SAMD4A: variants seen among roughly 807,000 people sequenced by gnomAD.
SAMD4A encodes the protein sterile alpha motif domain containing 4A.
Under a neutral mutation model 81.3 loss-of-function variants are expected in SAMD4A, and 33 were observed. That is an observed-to-expected ratio of 0.41 (90% CI 0.31 to 0.54). The LOEUF (loss-of-function observed/expected upper bound fraction) is 0.54, where lower values mean the gene tolerates loss of function less well. SAMD4A is among the 20% of genes least tolerant of loss of function. The probability of loss-of-function intolerance (pLI) is 0.37; values close to 1 mark genes in which losing one functional copy is unlikely to be tolerated. For synonymous variants in SAMD4A, 389 were observed against 382.1 expected (o/e 1.02, Z -0.21); for missense variants, 854 against 951.1 (o/e 0.90, Z 1.34).
intron 3 of SAMD4A, among the ~76,000 whole-genome samples, chr14:54,733,348 C>T (rs937939193): frequency 1.1e-4 from 12 of 110,100 alleles, no homozygotes; most frequent in Admixed American, 3.4e-4. Flanking sequence ...TGTGTATATA[C>T]GGATCTAAAA....
rs375379472 is a variant in SAMD4A, at chr14:54,720,598, T to A, written c.716-16426T>A. ...AGGGATATAAGCCTTACTGCGAGGG[T>A]CCTAGGGCCTGTTAGGAGTAAGGTG... On this transcript the variant is annotated intron_variant, in intron 3 of 12. Transcript: ENST00000554335. 3.9e-5 allele frequency among the ~76,000 whole-genome samples: 6 copies of A among 152,178 alleles called. No individual in the cohort carries two copies. The East Asian group carries it at 7.7e-4, about 20-fold the overall frequency.
chr14:54,775,771 G>A (rs940382161), intron 10 of SAMD4A, among the ~76,000 whole-genome samples: 2 of 152,060 alleles, frequency 1.3e-5, no homozygotes, highest in South Asian at 2.1e-4. Context: ...TGAGGTTCTG[G>A]GGTCTCAGGA....
intron 2 of SAMD4A, among the ~76,000 whole-genome samples, chr14:54,630,949 TGTGTGTGA>T: frequency 7.0e-6 from 1 of 142,488 alleles, no homozygotes; most frequent in African/African-American, 2.7e-5. Context: ...TGTGTGTGTG[TGTGTGTGA>T]TGAGAAATCG....
At chr14:54,756,449 T>C (rs1480196694) in intron 6 of SAMD4A, among the ~76,000 whole-genome samples, 1 of 152,200 alleles carries the variant, frequency 6.6e-6, no homozygotes, top group Admixed American at 6.5e-5. Context: ...CCCTCTTATA[T>C]GTTCCCACAG....
intron 3 of SAMD4A, among the ~76,000 whole-genome samples, chr14:54,706,571 C>A (rs2036862846): frequency 6.7e-6 from 1 of 149,950 alleles, no homozygotes; most frequent in South Asian, 2.1e-4. Flanking sequence ...TGCCACTGTA[C>A]TCCAGCCTGG....
chr14:54,644,753 T>G (rs1159808418), intron 2 of SAMD4A, among the ~76,000 whole-genome samples: 1 of 152,222 alleles, frequency 6.6e-6, no homozygotes, highest in Non-Finnish European at 1.5e-5. Context: ...ATGAGTGGTG[T>G]TGCAGGACAT....
At chr14:54,695,953 G>GAAAAAAAAAAAAAAAAAAA (rs35817270) in intron 2 of SAMD4A, among the ~76,000 whole-genome samples, 1 of 78,280 alleles carries the variant, frequency 1.3e-5, no homozygotes, top group Non-Finnish European at 2.4e-5. Context: ...CTCCATCTCA[G>GAAAAAAAAAAAAAAAAAAA]AAAAAAAAAA....
intron 2 of SAMD4A, among the ~76,000 whole-genome samples, chr14:54,634,280 C>T (rs1212020194): frequency 2.6e-5 from 2 of 77,756 alleles, no homozygotes; most frequent in Non-Finnish European, 4.8e-5. Flanking sequence ...AGCAAGACTC[C>T]ATCTCGGGGG....
chr14:54,713,242 C>T (rs768415787), intron 3 of SAMD4A, among the ~76,000 whole-genome samples: 2 of 151,898 alleles, frequency 1.3e-5, no homozygotes, highest in African/African-American at 4.8e-5. Context: ...TCTTAGGTAC[C>T]GAGGTGAGGG....
At chr14:54,788,119 G>A (rs190139203) in intron 12 of SAMD4A, among the ~76,000 whole-genome samples, 62 of 152,238 alleles carry the variant, frequency 4.1e-4, no homozygotes, top group Non-Finnish European at 6.8e-4. Context: ...AGTTCTAAGT[G>A]CCCACAACAC....
chr14:54,613,160 G>A (rs2034405186), intron 2 of SAMD4A, among the ~76,000 whole-genome samples: 1 of 150,444 alleles, frequency 6.6e-6, no homozygotes, highest in Non-Finnish European at 1.5e-5. Flanking sequence ...AAGGAAGGAA[G>A]AGGGAAAGGG....
chr14:54,730,615 A>G (rs1278676846), intron 3 of SAMD4A, among the ~76,000 whole-genome samples: 1 of 152,194 alleles, frequency 6.6e-6, no homozygotes, highest in Non-Finnish European at 1.5e-5. Context: ...TGCAGAGTTG[A>G]GGCTTTTAAC....
intron 3 of SAMD4A, among the ~76,000 whole-genome samples, chr14:54,710,588 A>G (rs2036964161): frequency 2.6e-5 from 4 of 152,128 alleles, no homozygotes; most frequent in Admixed American, 1.3e-4. Flanking sequence ...ATGAGTAGCT[A>G]GTAGACTCTT....
At chr14:54,786,865 T>C (rs552009822) in intron 12 of SAMD4A, among the ~76,000 whole-genome samples, 1 of 152,244 alleles carries the variant, frequency 6.6e-6, no homozygotes, top group Non-Finnish European at 1.5e-5. Flanking sequence ...TTGCTAATGT[T>C]TTCATCTTGT....
intron 12 of SAMD4A, among the ~76,000 whole-genome samples, chr14:54,787,935 A>T (rs2039181810): frequency 6.6e-6 from 1 of 152,050 alleles, no homozygotes; most frequent in Non-Finnish European, 1.5e-5. Flanking sequence ...GCTCCTGGGG[A>T]CCGTTCTAGA....
intron 2 of SAMD4A, chr14:54,687,257 C>G (rs573005690): frequency 1.4e-5 from 6 of 427,856 alleles, no homozygotes; most frequent in Non-Finnish European, 2.8e-5. Flanking sequence ...AAGATGGATC[C>G]TGCCCCTCCA....
chr14:54,750,665 G>C (rs2038080461), intron 5 of SAMD4A, among the ~76,000 whole-genome samples: 1 of 152,202 alleles, frequency 6.6e-6, no homozygotes, highest in African/African-American at 2.4e-5. Flanking sequence ...GACACTCCAT[G>C]TGGACTCTAC....
chr14:54,687,868 C>T (rs2036318163), intron 2 of SAMD4A: 1 of 726,354 alleles, frequency 1.4e-6, no homozygotes, highest in African/African-American at 1.9e-5. Context: ...CACAGGAGCT[C>T]AAATCAGGGC....
intron 2 of SAMD4A, among the ~76,000 whole-genome samples, chr14:54,628,635 T>C (rs2884569): frequency 0.54 from 82,385 of 152,018 alleles, 22,742 homozygotes; most frequent in East Asian, 0.86. Context: ...GATTGAGTAC[T>C]TAGTGTGTAC....
Sources: allele counts gnomAD v4.1 joint callset (sites outside exome capture counted in the v4.1 genomes callset), GRCh38; gene constraint gnomAD v4.1.1; transcripts MANE v1.5; gene names NCBI Gene and HGNC (gene_info 2026-07-23, HGNC 2026-07-21).